The following BTRC variants were observed in gnomAD, a reference collection of about 807,000 sequenced individuals.
BTRC encodes F-box/WD repeat-containing protein 1A.
Under a neutral mutation model 85.5 loss-of-function variants are expected in BTRC, and 42 were observed. The observed-to-expected ratio is 0.49, with a 90% CI of 0.38 to 0.64. The LOEUF is 0.64. Among genes scored for constraint, BTRC ranks in the 30% least tolerant of loss-of-function variants. The pLI, the probability that BTRC is intolerant of heterozygous loss-of-function variation, is 0.00. For synonymous variants in BTRC, 255 were observed against 263.3 expected (o/e 0.97, Z 0.30); for missense variants, 594 against 743.5 (o/e 0.80, Z 2.34).
intron 2 of BTRC, among the ~76,000 whole-genome samples, chr10:101,433,993 A>C (rs1359124770): frequency 6.6e-6 from 1 of 152,202 alleles, no homozygotes; most frequent in Non-Finnish European, 1.5e-5. Context: ...TCACCTAAAG[A>C]CTATAATAAA....
At chr10:101,508,475 A>G (rs1378807501) in intron 4 of BTRC, among the ~76,000 whole-genome samples, 1 of 152,166 alleles carries the variant, frequency 6.6e-6, no homozygotes, top group Non-Finnish European at 1.5e-5. Context: ...TAATAATCCC[A>G]CTGAGAAATA....
chr10:101,478,871 G>A (rs1312705548), intron 3 of BTRC, among the ~76,000 whole-genome samples: 10 of 150,684 alleles, frequency 6.6e-5, no homozygotes, highest in Non-Finnish European at 1.2e-4. Flanking sequence ...CCCCGGAGGC[G>A]GAGGTTGCAG....
chr10:101,470,161 T>G (rs548219542), intron 3 of BTRC, among the ~76,000 whole-genome samples: 2 of 152,290 alleles, frequency 1.3e-5, no homozygotes, highest in East Asian at 3.9e-4. Context: ...TTGTTTGCCT[T>G]TTTATTATTG....
chr10:101,370,987 A>G (rs1046517264), intron 1 of BTRC, among the ~76,000 whole-genome samples: 1 of 152,226 alleles, frequency 6.6e-6, no homozygotes, highest in Admixed American at 6.5e-5. Flanking sequence ...GTGGTAAAAT[A>G]CATGTAAAAT....
At position 101,462,545 on chromosome 10, in the gene BTRC, G is replaced by A. The variant is rs1398312336; in HGVS notation, c.234+487G>A. On this transcript the variant is annotated intron_variant, in intron 3 of 14. Transcript: ENST00000370187. ...AATACAAAAATTTGCTGGGCATGCT[G>A]GCGCATGCCTGTAATCCCAGCTACT... Among the ~76,000 whole-genome samples the A allele has an allele frequency of 7.2e-5, 11 of 152,008 alleles. No homozygotes were observed. In the South Asian group the frequency reaches 2.1e-3, roughly 29 times the overall value.
At chr10:101,366,202 G>GA (rs1010026128) in intron 1 of BTRC, among the ~76,000 whole-genome samples, 6 of 150,414 alleles carry the variant, frequency 4.0e-5, no homozygotes, top group Non-Finnish European at 5.9e-5. Context: ...TAAAGTATAG[G>GA]AAAAAAAAAT....
intron 4 of BTRC, among the ~76,000 whole-genome samples, chr10:101,515,003 T>C (rs2062004349): frequency 6.6e-6 from 1 of 152,228 alleles, no homozygotes; most frequent in South Asian, 2.1e-4. Context: ...TAATCCAGGC[T>C]GGAGTGCAGT....
At chr10:101,374,156 T>G (rs1201938953) in intron 1 of BTRC, among the ~76,000 whole-genome samples, 2 of 152,122 alleles carry the variant, frequency 1.3e-5, no homozygotes, top group Non-Finnish European at 2.9e-5. Flanking sequence ...CCACAATGGT[T>G]GAACTAGTTT....
chr10:101,534,893 G>A lies in BTRC; in HGVS notation c.1330G>A (p.Gly444Arg). ...TGACAAGTACATTGTTTCTGCATCTGGGGATAGAACTATAAAGGTAATAAG... is the reference window on the plus strand; with the variant it reads ...TGACAAGTACATTGTTTCTGCATCTAGGGATAGAACTATAAAGGTAATAAG... Reference protein sequence around the residue: ...FDDKYIVSASGDRTIKVWNTS... With the variant: ...FDDKYIVSASRDRTIKVWNTS... Residue 444 changes from glycine (G) to arginine (R), a missense_variant, in exon 10 of 15, where the codon GGG becomes AGG. Physicochemically the swap from Gly to Arg is moderately radical, Grantham distance 125. Transcript: ENST00000370187. 1 of 1,614,058 alleles carries A rather than the reference G, an allele frequency of 6.2e-7. No homozygotes were observed. The highest frequency in any genetic ancestry group is 8.5e-7 in the Non-Finnish European group (1 of 1,179,974).
chr10:101,402,735 G>A (rs1176675746), intron 1 of BTRC, among the ~76,000 whole-genome samples: 1 of 152,174 alleles, frequency 6.6e-6, no homozygotes, highest in Non-Finnish European at 1.5e-5. Flanking sequence ...CATACAATTG[G>A]TTTGAGGACA....
At chr10:101,354,100 G>C, upstream of BTRC, 2 of 1,487,342 alleles carry the variant, frequency 1.3e-6, no homozygotes, top group Non-Finnish European at 1.8e-6. Context: ...AGAGGAGGCG[G>C]GATCCGGGCG....
chr10:101,464,169 A>G (rs1945305004), intron 3 of BTRC, among the ~76,000 whole-genome samples: 1 of 152,212 alleles, frequency 6.6e-6, no homozygotes, highest in African/African-American at 2.4e-5. Flanking sequence ...TATTTAAGCT[A>G]ACAAACGAAT....
At chr10:101,362,856 A>G (rs1296463708) in intron 1 of BTRC, among the ~76,000 whole-genome samples, 1 of 152,262 alleles carries the variant, frequency 6.6e-6, no homozygotes, top group Non-Finnish European at 1.5e-5. Context: ...TAACAATAAA[A>G]GTGGGAATTA....
At chr10:101,506,152 G>A (rs1003915399) in intron 4 of BTRC, among the ~76,000 whole-genome samples, 1 of 152,126 alleles carries the variant, frequency 6.6e-6, no homozygotes, top group African/African-American at 2.4e-5. Flanking sequence ...AACCTCAGGT[G>A]ATCCGCCGCC....
chr10:101,451,500 A>G (rs777147023), intron 2 of BTRC, among the ~76,000 whole-genome samples: 3 of 152,220 alleles, frequency 2.0e-5, no homozygotes, highest in Non-Finnish European at 4.4e-5. Flanking sequence ...GCTTTGACAT[A>G]ACATATCTGT....
chr10:101,430,205 T>TGTTTCTTAA, intron 1 of BTRC, 140 bp from the exon 2 acceptor site: 2 of 524,888 alleles, frequency 3.8e-6, no homozygotes, highest in Non-Finnish European at 6.7e-6. Flanking sequence ...AGCCAGTAAG[T>TGTTTCTTAA]AGTGTGTTTC....
chr10:101,379,200 A>C (rs1464946691), intron 1 of BTRC, among the ~76,000 whole-genome samples: 20 of 152,058 alleles, frequency 1.3e-4, no homozygotes. Context: ...GAAAGTAGAA[A>C]CTCTTTTCAT....
At chr10:101,484,515 A>T (rs1046056209) in intron 4 of BTRC, among the ~76,000 whole-genome samples, 5 of 152,192 alleles carry the variant, frequency 3.3e-5, no homozygotes, top group African/African-American at 1.2e-4. Context: ...CACAATGCAG[A>T]CGTTTGCACT....
intron 2 of BTRC, among the ~76,000 whole-genome samples, chr10:101,448,100 A>C (rs1944872460): frequency 6.6e-6 from 1 of 152,198 alleles, no homozygotes; most frequent in Non-Finnish European, 1.5e-5. Flanking sequence ...AGAAATGCAC[A>C]AAATTCTGCA....
Sources: gnomAD v4.1 joint callset for allele counts (sites outside exome capture counted in the v4.1 genomes callset) on GRCh38, gnomAD v4.1.1 for gene constraint, MANE v1.5 for transcripts, NCBI Gene and HGNC (gene_info 2026-07-23, HGNC 2026-07-21) for gene names.